Variants in FRMD5 observed in about 807,000 individuals in gnomAD.
FRMD5 encodes the protein FERM domain-containing protein 5.
A neutral mutation model predicts 69.0 loss-of-function variants in FRMD5; 20 were observed. The ratio of observed to expected loss-of-function variants is 0.29; its 90% CI spans 0.20 to 0.42. The LOEUF (loss-of-function observed/expected upper bound fraction) is 0.42, where lower values mean the gene tolerates loss of function less well. Ranked by LOEUF, FRMD5 falls within the 10% of genes least tolerant of loss-of-function variation. The probability of loss-of-function intolerance (pLI) is 1.00; values close to 1 mark genes in which losing one functional copy is unlikely to be tolerated. For missense variants in FRMD5, 595 were observed against 708.6 expected, an observed-to-expected ratio of 0.84 and a Z score of 1.82; for synonymous variants, 271 against 260.1, an observed-to-expected ratio of 1.04 and a Z score of -0.40.
At chr15:43,956,882 T>C (rs1461811614) in intron 1 of FRMD5, among the ~76,000 whole-genome samples, 1 of 152,194 alleles carries the variant, frequency 6.6e-6, no homozygotes, top group Non-Finnish European at 1.5e-5. Context: ...CTTTTGTCTC[T>C]ACAAAGTTGA....
At chr15:43,886,361 C>T (rs1183429591) in intron 10 of FRMD5, among the ~76,000 whole-genome samples, 1 of 152,190 alleles carries the variant, frequency 6.6e-6, no homozygotes, top group Non-Finnish European at 1.5e-5. Context: ...ACTAGCTTAA[C>T]TTTAATAAAA....
chr15:43,975,831 A>T (rs946370967), intron 1 of FRMD5, among the ~76,000 whole-genome samples: 1 of 152,230 alleles, frequency 6.6e-6, no homozygotes, highest in Non-Finnish European at 1.5e-5. Context: ...TTGCAAAAGA[A>T]GAACAAATTT....
At chr15:43,970,019 T>A (rs191096296) in intron 1 of FRMD5, among the ~76,000 whole-genome samples, 1 of 152,288 alleles carries the variant, frequency 6.6e-6, no homozygotes, top group East Asian at 1.9e-4. Context: ...ACAAACTGCA[T>A]TTGACAAAAT....
intron 1 of FRMD5, among the ~76,000 whole-genome samples, chr15:44,125,446 C>T (rs916898368): frequency 1.3e-5 from 2 of 152,214 alleles, no homozygotes; most frequent in African/African-American, 4.8e-5. Context: ...TGCTCTTACA[C>T]ATAATACCAA....
At chr15:43,947,590 G>A (rs2089966260) in intron 1 of FRMD5, among the ~76,000 whole-genome samples, 1 of 152,150 alleles carries the variant, frequency 6.6e-6, no homozygotes, top group East Asian at 1.9e-4. Context: ...GAAGAATGAA[G>A]AAAGAAAGAA....
chr15:43,908,474 G>C (rs1338197434), intron 5 of FRMD5, among the ~76,000 whole-genome samples: 1 of 152,190 alleles, frequency 6.6e-6, no homozygotes, highest in African/African-American at 2.4e-5. Flanking sequence ...GCAGCCAGCC[G>C]TGGTATTTCT....
chr15:43,879,570 C>T, intron 13 of FRMD5: 1 of 399,004 alleles, frequency 2.5e-6, no homozygotes, highest in Non-Finnish European at 4.4e-6. Flanking sequence ...GAGCCGGGGC[C>T]CCATCCTCAG....
At chr15:44,075,087 T>G (rs1774556794) in intron 1 of FRMD5, among the ~76,000 whole-genome samples, 1 of 152,196 alleles carries the variant, frequency 6.6e-6, no homozygotes, top group South Asian at 2.1e-4. Flanking sequence ...ATTACTTGGC[T>G]CTGAATAGTA....
intron 1 of FRMD5, among the ~76,000 whole-genome samples, chr15:44,133,574 C>G (rs2077136258): frequency 5.5e-5 from 1 of 18,098 alleles, no homozygotes; most frequent in Admixed American, 8.2e-4. Flanking sequence ...GAGAATCTGT[C>G]TCAAAAAAAA....
intron 1 of FRMD5, among the ~76,000 whole-genome samples, chr15:43,995,706 G>GTAC (rs1477402685): frequency 6.6e-6 from 1 of 151,830 alleles, no homozygotes; most frequent in Non-Finnish European, 1.5e-5. Context: ...GGGATCATGG[G>GTAC]TACTGGCATG....
At chr15:44,164,711 C>T (rs893746726) in intron 1 of FRMD5, among the ~76,000 whole-genome samples, 6 of 152,200 alleles carry the variant, frequency 3.9e-5, no homozygotes, top group African/African-American at 1.4e-4. Flanking sequence ...GGATAGAGTA[C>T]ATGACTTGGG....
chr15:44,118,810 C>CT (rs1241589044), intron 1 of FRMD5, among the ~76,000 whole-genome samples: 1 of 152,148 alleles, frequency 6.6e-6, no homozygotes, highest in African/African-American at 2.4e-5. Flanking sequence ...GGATCTTGCT[C>CT]TATCACCCAG....
At chr15:44,086,882 C>T (rs1894217792) in intron 1 of FRMD5, among the ~76,000 whole-genome samples, 1 of 152,092 alleles carries the variant, frequency 6.6e-6, no homozygotes, top group African/African-American at 2.4e-5. Context: ...AAAAGGGATA[C>T]TGACCTTAAA....
At chr15:44,056,766 G>T in intron 1 of FRMD5, among the ~76,000 whole-genome samples, 1 of 152,218 alleles carries the variant, frequency 6.6e-6, no homozygotes. Flanking sequence ...TGTGTCAGAC[G>T]CCTCTCCTTG....
At chr15:43,982,236 C>T (rs1026420042) in intron 1 of FRMD5, among the ~76,000 whole-genome samples, 5 of 152,170 alleles carry the variant, frequency 3.3e-5, no homozygotes, top group African/African-American at 4.8e-5. Context: ...TAGACCACTT[C>T]GATGTCTTTG....
chr15:43,977,307 A>C (rs1380331492), intron 1 of FRMD5, among the ~76,000 whole-genome samples: 1 of 152,150 alleles, frequency 6.6e-6, no homozygotes, highest in Non-Finnish European at 1.5e-5. Context: ...ACTGTCACTA[A>C]GGTAGGAAAC....
intron 1 of FRMD5, among the ~76,000 whole-genome samples, chr15:43,988,442 G>C (rs190481648): frequency 6.6e-6 from 1 of 151,322 alleles, no homozygotes; most frequent in Non-Finnish European, 1.5e-5. Flanking sequence ...ACAATGAATA[G>C]ACTACAGTAT....
At chr15:44,040,744 GA>G (rs1390106965) in intron 1 of FRMD5, among the ~76,000 whole-genome samples, 1 of 151,978 alleles carries the variant, frequency 6.6e-6, no homozygotes, top group Non-Finnish European at 1.5e-5. Flanking sequence ...ACACTATGAA[GA>G]AACTGCATCA....
intron 1 of FRMD5, among the ~76,000 whole-genome samples, chr15:44,121,288 G>A (rs1373753462): frequency 6.8e-6 from 1 of 146,024 alleles, no homozygotes; most frequent in Non-Finnish European, 1.5e-5. Context: ...GTGGGAGGGG[G>A]AGTCAGCTTT....
Sources: gnomAD v4.1 joint callset for allele counts (sites outside exome capture counted in the v4.1 genomes callset) on GRCh38, gnomAD v4.1.1 for gene constraint, MANE v1.5 for transcripts, NCBI Gene and HGNC (gene_info 2026-07-23, HGNC 2026-07-21) for gene names.